The following THSD7B variants were observed in gnomAD, a reference collection of about 807,000 sequenced individuals.
The protein encoded by THSD7B is thrombospondin type 1 domain containing 7B.
In THSD7B, 138 loss-of-function variants were observed where a neutral mutation model predicts 213.6. The ratio of observed to expected loss-of-function variants is 0.65; its 90% CI spans 0.56 to 0.74. The LOEUF is 0.74. THSD7B is among the 30% of genes least tolerant of loss of function. The probability of loss-of-function intolerance (pLI) is 0.00; values close to 1 mark genes in which losing one functional copy is unlikely to be tolerated. For synonymous variants in THSD7B, 742 were observed against 687.0 expected (o/e 1.08, Z -1.25); for missense variants, 1,931 against 1,991.5 (o/e 0.97, Z 0.58).
At chr2:137,426,021 G>A (rs913662393) in intron 14 of THSD7B, among the ~76,000 whole-genome samples, 60 of 152,024 alleles carry the variant, frequency 3.9e-4, no homozygotes, top group South Asian at 6.2e-4. Flanking sequence ...AATCAGTGGC[G>A]TTTTTATATA....
chr2:136,973,100 A>G (rs1685429281), intron 2 of THSD7B, among the ~76,000 whole-genome samples: 1 of 152,122 alleles, frequency 6.6e-6, no homozygotes, highest in Admixed American at 6.5e-5. Flanking sequence ...CAACACTCCT[A>G]CCACCATCCT....
rs142131562 is a variant in THSD7B at position 137,233,657 on chromosome 2, C to CT, written c.2150+529dup. Among the ~76,000 whole-genome samples, 178 of 152,156 alleles carry CT rather than the reference C, an allele frequency of 1.2e-3. 4 individuals carry two copies. In the East Asian group the frequency reaches 0.03, roughly 25 times the overall value. On this transcript the variant is annotated intron_variant, in intron 9 of 27. Coordinates refer to ENST00000409968, the MANE Select transcript of THSD7B (RefSeq NM_001316349.2). The stretch of plus-strand genomic sequence containing the variant: ...ACTCTATGTACATGGAGATATAAAA[C>CT]TTTTTAAAGAGAGTAGCAAAATATG...
chr2:137,317,729 A>G (rs1205859677), intron 12 of THSD7B, among the ~76,000 whole-genome samples: 1 of 152,178 alleles, frequency 6.6e-6, no homozygotes, highest in Non-Finnish European at 1.5e-5. Context: ...AGCCTGGGCA[A>G]CATAACCAGA....
intron 2 of THSD7B, among the ~76,000 whole-genome samples, chr2:136,895,732 C>T (rs1052017202): frequency 8.6e-5 from 13 of 151,980 alleles, no homozygotes; most frequent in Admixed American, 3.9e-4. Context: ...TCACTTTAAT[C>T]ACCCCAATAA....
At chr2:136,831,552 A>T (rs1379342604) in intron 1 of THSD7B, among the ~76,000 whole-genome samples, 1 of 152,208 alleles carries the variant, frequency 6.6e-6, no homozygotes, top group East Asian at 1.9e-4. Flanking sequence ...GTAAAGAGGT[A>T]TTCTCCAAAA....
At chr2:137,586,793 T>C (rs1425363787) in intron 17 of THSD7B, among the ~76,000 whole-genome samples, 7 of 152,218 alleles carry the variant, frequency 4.6e-5, no homozygotes, top group Admixed American at 4.6e-4. Context: ...TCAACTTTCG[T>C]GAATCTGACA....
rs370410304 is a variant in THSD7B, at chr2:137,474,590, G to A, written c.3138+23567G>A. Among the ~76,000 whole-genome samples the A allele has an allele frequency of 9.9e-5, 15 of 152,264 alleles. No individual in the cohort carries two copies. The East Asian group carries it at 1.5e-3, about 16-fold the overall frequency. ...CACAGACACATCAGGTGGCAGTCAA[G>A]ATTTTAAAAGAGCAAATTATGCTTT... On this transcript the variant is annotated intron_variant, in intron 15 of 27. Coordinates refer to ENST00000409968, the MANE Select transcript of THSD7B (RefSeq NM_001316349.2).
rs925886072 is a variant in THSD7B at position 136,945,922 on chromosome 2, G to A, written c.139+63605G>A. 8.2e-4 allele frequency among the ~76,000 whole-genome samples: 125 copies of A among 152,062 alleles called. 1 individual carries two copies. Reference sequence around the variant, plus strand: ...GTTTGAACATCCTCCTTTAGTTCGGGGAAGTTTGTTATTACCGACCTTCTA... The same window carrying A: ...GTTTGAACATCCTCCTTTAGTTCGGAGAAGTTTGTTATTACCGACCTTCTA... On this transcript the variant is annotated intron_variant, in intron 2 of 27. Coordinates refer to ENST00000409968, the MANE Select transcript of THSD7B (RefSeq NM_001316349.2).
At chr2:137,096,053 G>A (rs781194194) in intron 4 of THSD7B, among the ~76,000 whole-genome samples, 6 of 152,058 alleles carry the variant, frequency 3.9e-5, no homozygotes, top group Non-Finnish European at 7.4e-5. Flanking sequence ...AAAGACCTGG[G>A]TAAAGGCCTG....
intron 12 of THSD7B, among the ~76,000 whole-genome samples, chr2:137,377,097 TA>T (rs1685673824): frequency 6.6e-6 from 1 of 152,218 alleles, no homozygotes; most frequent in Non-Finnish European, 1.5e-5. Context: ...GATTCATAGA[TA>T]TTTATATATT....
intron 12 of THSD7B, among the ~76,000 whole-genome samples, chr2:137,298,797 G>T (rs1683528458): frequency 6.6e-6 from 1 of 152,166 alleles, no homozygotes; most frequent in Non-Finnish European, 1.5e-5. Flanking sequence ...TTGAGGTTTG[G>T]AAACCTCTGC....
At chr2:136,789,910 A>G (rs1050522060) in intron 1 of THSD7B, among the ~76,000 whole-genome samples, 16 of 152,196 alleles carry the variant, frequency 1.1e-4, no homozygotes, top group African/African-American at 3.9e-4. Flanking sequence ...GCATGAGCAA[A>G]GGACTCTTCA....
intron 5 of THSD7B, among the ~76,000 whole-genome samples, chr2:137,129,220 T>C (rs1162996264): frequency 6.6e-6 from 1 of 152,172 alleles, no homozygotes. Context: ...ATACCAGGCA[T>C]CAATCAGTAT....
At chr2:137,126,802 A>G (rs1004332098) in intron 5 of THSD7B, among the ~76,000 whole-genome samples, 2 of 152,170 alleles carry the variant, frequency 1.3e-5, no homozygotes, top group African/African-American at 4.8e-5. Flanking sequence ...AGTGAGAGAT[A>G]TATGACTCTT....
At chr2:137,360,908 G>T (rs1167699408) in intron 12 of THSD7B, among the ~76,000 whole-genome samples, 2 of 152,190 alleles carry the variant, frequency 1.3e-5, no homozygotes, top group African/African-American at 2.4e-5. Flanking sequence ...CTCCTCAAGT[G>T]GGTCCCTGAG....
intron 14 of THSD7B, among the ~76,000 whole-genome samples, chr2:137,427,347 C>A (rs572494102): frequency 6.6e-6 from 1 of 152,092 alleles, no homozygotes; most frequent in Non-Finnish European, 1.5e-5. Context: ...GAGACGTCTG[C>A]ACTCCCATGT....
intron 1 of THSD7B, among the ~76,000 whole-genome samples, chr2:136,776,030 T>A (rs1445999647): frequency 1.3e-5 from 2 of 152,172 alleles, no homozygotes; most frequent in Non-Finnish European, 2.9e-5. Context: ...GTACTATGGT[T>A]GGCCCAGTCA....
intron 2 of THSD7B, among the ~76,000 whole-genome samples, chr2:137,009,889 C>T (rs546647469): frequency 6.6e-6 from 1 of 152,346 alleles, no homozygotes; most frequent in African/African-American, 2.4e-5. Context: ...CTATGTCTGG[C>T]ACACAATTGA....
Position 137,659,716 on chromosome 2 carries a change from C to T in THSD7B, c.4428C>T (p.Ala1476=). 1 of 1,604,556 alleles carries T rather than the reference C, an allele frequency of 6.2e-7. No homozygotes were observed. The highest frequency in any genetic ancestry group is 8.5e-7 in the Non-Finnish European group (1 of 1,175,264). The change falls in exon 25 of 28, where the codon GCC becomes GCT. Residue 1476 remains alanine (A), a synonymous_variant. Coordinates refer to ENST00000409968, the MANE Select transcript of THSD7B (RefSeq NM_001316349.2). Reference sequence around the variant, plus strand: ...CTGCCATTCGGCAGTGCATTCCAGCCTGCAGAAAACCTTTCTCCTACTGTA... The same window carrying T: ...CTGCCATTCGGCAGTGCATTCCAGCTTGCAGAAAACCTTTCTCCTACTGTA... The part of the protein sequence containing the change: ...RPAAIRQCIP[A]CRKPFSYCTQ...
Sources: allele counts gnomAD v4.1 joint callset (sites outside exome capture counted in the v4.1 genomes callset), GRCh38; gene constraint gnomAD v4.1.1; transcripts MANE v1.5; gene names NCBI Gene and HGNC (gene_info 2026-07-23, HGNC 2026-07-21).